The following ADAMTS17 variants were observed in gnomAD, a reference collection of about 807,000 sequenced individuals.
The protein encoded by ADAMTS17 is ADAM metallopeptidase with thrombospondin type 1 motif 17.
ADAMTS17 carries 113 observed loss-of-function variants against 141.5 expected under a neutral mutation model. That is an observed-to-expected ratio of 0.80 (90% confidence interval 0.69 to 0.93). The LOEUF is 0.93. Ranked by LOEUF, ADAMTS17 falls within the 40% of genes least tolerant of loss-of-function variation. ADAMTS17 has a pLI of 0.00. For synonymous variants in ADAMTS17, 768 were observed against 630.6 expected, an observed-to-expected ratio of 1.22 and a Z score of -3.27; for missense variants, 1,659 against 1,517.9, an observed-to-expected ratio of 1.09 and a Z score of -1.54.
intron 3 of ADAMTS17, among the ~76,000 whole-genome samples, chr15:100,325,445 T>C (rs1244181102): frequency 2.0e-5 from 3 of 152,164 alleles, no homozygotes; most frequent in East Asian, 1.9e-4. Context: ...GATAAGACCA[T>C]GTGAAGACAC....
intron 7 of ADAMTS17, among the ~76,000 whole-genome samples, chr15:100,208,840 C>T (rs911367871): frequency 9.2e-5 from 14 of 152,036 alleles, no homozygotes; most frequent in African/African-American, 2.7e-4. Context: ...TTGGTATATC[C>T]AAGGGTCATG....
chr15:100,243,213 GT>G (rs1442298656), intron 7 of ADAMTS17, among the ~76,000 whole-genome samples: 1 of 152,030 alleles, frequency 6.6e-6, no homozygotes, highest in Non-Finnish European at 1.5e-5. Flanking sequence ...CCACATTTTT[GT>G]TTATCCACTC....
At chr15:100,322,633 T>C (rs187706074) in intron 3 of ADAMTS17, among the ~76,000 whole-genome samples, 2 of 152,198 alleles carry the variant, frequency 1.3e-5, no homozygotes, top group Non-Finnish European at 2.9e-5. Flanking sequence ...GATGTTAGAA[T>C]AGCAGACAAG....
intron 12 of ADAMTS17, among the ~76,000 whole-genome samples, chr15:100,119,025 A>G (rs1168928899): frequency 8.2e-6 from 1 of 121,354 alleles, no homozygotes; most frequent in Non-Finnish European, 1.9e-5. Flanking sequence ...GTCCTTATGA[A>G]AAGGGGACAT....
chr15:100,107,961 G>C (rs913094701), intron 14 of ADAMTS17, among the ~76,000 whole-genome samples: 2 of 152,100 alleles, frequency 1.3e-5, no homozygotes, highest in African/African-American at 4.8e-5. Context: ...GCGAGGCACA[G>C]AAAATACAAA....
rs2060740887 is a variant in ADAMTS17 at position 99,993,831 on chromosome 15, A to G, written c.2797-631T>C. Among the ~76,000 whole-genome samples, 1 of 152,162 alleles carries G rather than the reference A, an allele frequency of 6.6e-6. No individual in the cohort carries two copies. Among genetic ancestry groups the G allele is most frequent in the Admixed American group, 6.5e-5 (1 of 15,276 alleles). ...GTGACAGACGCATGGCCCCTGTGGT[A>G]GTTTACTTACTTGCAGGAGACCTGG... On this transcript the variant is annotated intron_variant, in intron 19 of 21. Coordinates refer to ENST00000268070, the MANE Select transcript of ADAMTS17 (RefSeq NM_139057.4). The surrounding 1 kb of genome is among the most constrained non-coding windows in gnomAD (Gnocchi z 4.3).
intron 7 of ADAMTS17, among the ~76,000 whole-genome samples, chr15:100,206,337 C>T (rs372035139): frequency 1.4e-4 from 21 of 152,322 alleles, no homozygotes; most frequent in South Asian, 4.1e-4. Context: ...CTTGAGTGTA[C>T]GTCTGTAGAC....
intron 20 of ADAMTS17, among the ~76,000 whole-genome samples, chr15:99,977,401 A>ATTTTTTT (rs71151928): frequency 1.9e-4 from 1 of 5,154 alleles, no homozygotes; most frequent in Non-Finnish European, 3.6e-4. Flanking sequence ...TATATATATA[A>ATTTTTTT]TTTTTTTTTT....
intron 19 of ADAMTS17, among the ~76,000 whole-genome samples, chr15:99,996,141 AC>A (rs2060797678): frequency 6.7e-6 from 1 of 149,532 alleles, no homozygotes; most frequent in African/African-American, 2.5e-5. Flanking sequence ...TGCAACCTCT[AC>A]CTCCCAGGTT....
intron 8 of ADAMTS17, 63 bp from the exon 9 acceptor site, chr15:100,155,383 G>A: frequency 6.3e-7 from 1 of 1,579,192 alleles, no homozygotes; most frequent in Non-Finnish European, 8.6e-7. Flanking sequence ...AGTTCCTGGT[G>A]CTAGCGGACC....
rs545648682 is a variant in ADAMTS17, at chr15:100,254,618, C to T, written c.1032-439G>A. Among the ~76,000 whole-genome samples the T allele has an allele frequency of 2.6e-5, 4 of 152,240 alleles. No homozygotes were observed. In the South Asian group the frequency reaches 8.3e-4, roughly 32 times the overall value. On this transcript the variant is annotated intron_variant, in intron 6 of 21. Transcript: ENST00000268070. ...ACCATGTATTGCTTTCACAAGAAGA[C>T]AACAAAAAGTCATTTCTAAAAACTG...
At chr15:100,005,363 G>A (rs2141377543) in intron 18 of ADAMTS17, among the ~76,000 whole-genome samples, 1 of 152,292 alleles carries the variant, frequency 6.6e-6, no homozygotes, top group Middle Eastern at 3.4e-3. Context: ...AAACCAGGGT[G>A]CTGAGAGGGC....
intron 13 of ADAMTS17, among the ~76,000 whole-genome samples, chr15:100,113,962 C>T (rs2036952943): frequency 6.6e-6 from 1 of 152,198 alleles, no homozygotes. Flanking sequence ...TGAAGGTTTC[C>T]ACTTCAATGA....
At chr15:100,268,506 G>A (rs12438931) in intron 4 of ADAMTS17, among the ~76,000 whole-genome samples, 11,108 of 152,154 alleles carry the variant, frequency 0.073, 635 homozygotes, top group East Asian at 0.23. Context: ...GTGTGAGATG[G>A]TATCTTGTGG....
chr15:100,009,879 A>T (rs2061124798), intron 18 of ADAMTS17, among the ~76,000 whole-genome samples: 1 of 152,128 alleles, frequency 6.6e-6, no homozygotes, highest in African/African-American at 2.4e-5. Context: ...CCTATTTTGG[A>T]TTTACCTGCT....
At chr15:100,008,678 T>C (rs1336479055) in intron 18 of ADAMTS17, among the ~76,000 whole-genome samples, 1 of 152,212 alleles carries the variant, frequency 6.6e-6, no homozygotes, top group African/African-American at 2.4e-5. Context: ...CCAGGGAGAC[T>C]TGGGCATCTG....
intron 7 of ADAMTS17, among the ~76,000 whole-genome samples, chr15:100,218,938 T>C (rs997423501): frequency 2.0e-5 from 3 of 152,168 alleles, no homozygotes; most frequent in Admixed American, 1.3e-4. Flanking sequence ...CATCTACACA[T>C]GCATATGTAC....
At chr15:100,119,412 T>C (rs905308588) in intron 12 of ADAMTS17, among the ~76,000 whole-genome samples, 17 of 152,062 alleles carry the variant, frequency 1.1e-4, no homozygotes, top group African/African-American at 3.6e-4. Flanking sequence ...AAATACAAAT[T>C]AGGTGGGTTC....
At chr15:100,264,099 G>C (rs1249636460) in intron 4 of ADAMTS17, among the ~76,000 whole-genome samples, 2 of 152,212 alleles carry the variant, frequency 1.3e-5, no homozygotes, top group Non-Finnish European at 2.9e-5. Flanking sequence ...TTTCACACAA[G>C]GAAAAATAGA....
Sources: allele counts gnomAD v4.1 joint callset (sites outside exome capture counted in the v4.1 genomes callset), GRCh38; gene constraint gnomAD v4.1.1; non-coding constraint Gnocchi (gnomAD v3.1); transcripts MANE v1.5; gene names NCBI Gene and HGNC (gene_info 2026-07-23, HGNC 2026-07-21).